Variants in GRID2 observed in about 807,000 individuals in gnomAD.
GRID2 encodes glutamate receptor ionotropic, delta-2.
A neutral mutation model predicts 114.8 loss-of-function variants in GRID2; 33 were observed. The ratio of observed to expected loss-of-function variants is 0.29; its 90% CI spans 0.22 to 0.38. The LOEUF (loss-of-function observed/expected upper bound fraction) is 0.38. Among genes scored for constraint, GRID2 ranks in the 10% least tolerant of loss-of-function variants. GRID2 has a pLI of 1.00. For synonymous variants in GRID2, 505 were observed against 449.9 expected, an observed-to-expected ratio of 1.12 and a Z score of -1.55; for missense variants, 1,184 against 1,257.7, an observed-to-expected ratio of 0.94 and a Z score of 0.89.
At chr4:93,219,494 G>A (rs775051361) in intron 6 of GRID2, among the ~76,000 whole-genome samples, 2 of 152,080 alleles carry the variant, frequency 1.3e-5, no homozygotes, top group African/African-American at 2.4e-5. Flanking sequence ...CTACTTTTGC[G>A]TTGAGGATTT....
chr4:92,606,946 T>C (rs1729479307), intron 2 of GRID2, among the ~76,000 whole-genome samples: 1 of 152,028 alleles, frequency 6.6e-6, no homozygotes, highest in Non-Finnish European at 1.5e-5. Flanking sequence ...TGTATGTTCA[T>C]GGACACTTTA....
intron 10 of GRID2, among the ~76,000 whole-genome samples, chr4:93,435,819 A>T (rs1721028208): frequency 6.6e-6 from 1 of 152,164 alleles, no homozygotes; most frequent in Non-Finnish European, 1.5e-5. Context: ...GAGCTATCCA[A>T]ATGGAAAATG....
At chr4:92,942,035 T>C (rs1221950230) in intron 2 of GRID2, among the ~76,000 whole-genome samples, 1 of 152,180 alleles carries the variant, frequency 6.6e-6, no homozygotes, top group African/African-American at 2.4e-5. Context: ...CTGAGAAGAA[T>C]GTCTATTCTG....
chr4:93,657,312 T>TATG (rs1723106376), intron 14 of GRID2, among the ~76,000 whole-genome samples: 3 of 152,150 alleles, frequency 2.0e-5, no homozygotes, highest in Non-Finnish European at 4.4e-5. Flanking sequence ...TTGTATATCA[T>TATG]ATGTAATACT....
chr4:92,818,109 TTC>T (rs1741025659), intron 2 of GRID2, among the ~76,000 whole-genome samples: 1 of 152,176 alleles, frequency 6.6e-6, no homozygotes, highest in South Asian at 2.1e-4. Context: ...CCACAACTGT[TTC>T]TGTTATCTCA....
intron 4 of GRID2, among the ~76,000 whole-genome samples, chr4:93,182,607 G>T (rs1740005081): frequency 6.6e-6 from 1 of 152,150 alleles, no homozygotes; most frequent in Admixed American, 6.6e-5. Context: ...TTTAAAACAT[G>T]CCTACAGGCA....
chr4:93,742,994 G>A (rs1228235134), intron 14 of GRID2, among the ~76,000 whole-genome samples: 1 of 152,232 alleles, frequency 6.6e-6, no homozygotes, highest in Non-Finnish European at 1.5e-5. Context: ...TCTTGTGCCA[G>A]TTAGCCCAGT....
chr4:93,657,638 G>T (rs1201221286), intron 14 of GRID2, among the ~76,000 whole-genome samples: 1 of 146,344 alleles, frequency 6.8e-6, no homozygotes, highest in Admixed American at 6.8e-5. Flanking sequence ...GATGTAGGAG[G>T]AAAAAAAAAA....
At chr4:92,774,577 C>CTTTTTTT (rs1166044188) in intron 2 of GRID2, among the ~76,000 whole-genome samples, 3 of 106,364 alleles carry the variant, frequency 2.8e-5, no homozygotes, top group Admixed American at 1.1e-4. Flanking sequence ...TTTTTCTTTC[C>CTTTTTTT]TTTTTTTTTT....
At chr4:92,645,997 G>A (rs915753500) in intron 2 of GRID2, among the ~76,000 whole-genome samples, 1 of 151,658 alleles carries the variant, frequency 6.6e-6, no homozygotes, top group Non-Finnish European at 1.5e-5. Flanking sequence ...GAATTGGTGG[G>A]TCATAGGATG....
intron 14 of GRID2, among the ~76,000 whole-genome samples, chr4:93,700,116 C>T (rs1727380063): frequency 6.6e-6 from 1 of 152,096 alleles, no homozygotes; most frequent in Admixed American, 6.6e-5. Flanking sequence ...AAGGTCTGTG[C>T]TCTTAGTATA....
At chr4:92,717,653 A>G (rs1735614490) in intron 2 of GRID2, among the ~76,000 whole-genome samples, 2 of 152,226 alleles carry the variant, frequency 1.3e-5, no homozygotes, top group South Asian at 4.1e-4. Context: ...GTGTTCACTT[A>G]AAGTCACAGA....
intron 4 of GRID2, among the ~76,000 whole-genome samples, chr4:93,125,628 C>CT (rs528201460): frequency 4.1e-4 from 63 of 151,916 alleles, no homozygotes; most frequent in African/African-American, 1.4e-3. Flanking sequence ...GTAGAAATTA[C>CT]TTTTTTTTAA....
chr4:93,173,439 A>T (rs2149425380), intron 4 of GRID2, among the ~76,000 whole-genome samples: 1 of 152,234 alleles, frequency 6.6e-6, no homozygotes, highest in Admixed American at 6.5e-5. Context: ...AAGAAGAAAG[A>T]GAGGGAGGGA....
chr4:92,408,591 T>C (rs1731146614), intron 1 of GRID2, among the ~76,000 whole-genome samples: 1 of 151,732 alleles, frequency 6.6e-6, no homozygotes, highest in Non-Finnish European at 1.5e-5. Context: ...TTAACTATAC[T>C]GATTCTTCCA....
chr4:92,430,493 C>T (rs1732386519), intron 1 of GRID2, among the ~76,000 whole-genome samples: 2 of 152,134 alleles, frequency 1.3e-5, no homozygotes, highest in African/African-American at 4.8e-5. Context: ...CAGTACCATG[C>T]TGTTCCAGTT....
At chr4:92,517,532 C>T (rs956496378) in intron 1 of GRID2, among the ~76,000 whole-genome samples, 2 of 151,828 alleles carry the variant, frequency 1.3e-5, no homozygotes, top group African/African-American at 4.8e-5. Context: ...TATTAAATAT[C>T]TTTCAACTAT....
intron 3 of GRID2, among the ~76,000 whole-genome samples, chr4:93,101,006 A>G (rs561510453): frequency 6.6e-6 from 1 of 152,162 alleles, no homozygotes; most frequent in African/African-American, 2.4e-5. Flanking sequence ...ATCAGATGGT[A>G]TAGATAATAT....
intron 2 of GRID2, among the ~76,000 whole-genome samples, chr4:92,897,586 G>A (rs1234939718): frequency 6.6e-6 from 1 of 152,172 alleles, no homozygotes; most frequent in African/African-American, 2.4e-5. Context: ...TTGCAGAATA[G>A]TTATTGTAAA....
Sources: gnomAD v4.1 joint callset for allele counts (sites outside exome capture counted in the v4.1 genomes callset) on GRCh38, gnomAD v4.1.1 for gene constraint, MANE v1.5 for transcripts, NCBI Gene and HGNC (gene_info 2026-07-23, HGNC 2026-07-21) for gene names.